Variants in NTM observed in about 807,000 individuals in gnomAD.
NTM encodes neurotrimin.
In NTM, 13 loss-of-function variants were observed where a neutral mutation model predicts 42.1. The observed-to-expected ratio is 0.31, with a 90% confidence interval of 0.20 to 0.49. The LOEUF (loss-of-function observed/expected upper bound fraction) is 0.49. Among genes scored for constraint, NTM ranks in the 20% least tolerant of loss-of-function variants. NTM has a pLI of 0.99. For synonymous variants in NTM, 187 were observed against 179.2 expected (o/e 1.04, Z -0.35); for missense variants, 373 against 452.8 (o/e 0.82, Z 1.60).
intron 1 of NTM, among the ~76,000 whole-genome samples, chr11:131,627,223 A>AT (rs1222165982): frequency 1.8e-4 from 27 of 146,882 alleles, no homozygotes; most frequent in African/African-American, 5.1e-4. Flanking sequence ...GCTTTTATTT[A>AT]TTTATTTTTT....
At chr11:131,972,327 C>G (rs2063677819) in intron 2 of NTM, among the ~76,000 whole-genome samples, 1 of 151,910 alleles carries the variant, frequency 6.6e-6, no homozygotes, top group Non-Finnish European at 1.5e-5. Context: ...AGTGTCTGGC[C>G]AAACACATAC....
chr11:132,179,236 T>G (rs937714339), intron 3 of NTM, among the ~76,000 whole-genome samples: 4 of 152,124 alleles, frequency 2.6e-5, no homozygotes, highest in African/African-American at 9.7e-5. Flanking sequence ...CTCCTAGGAA[T>G]GAGTCTAGAT....
intron 1 of NTM, among the ~76,000 whole-genome samples, chr11:131,690,151 A>T (rs534829268): frequency 7.9e-5 from 12 of 152,320 alleles, no homozygotes; most frequent in African/African-American, 2.9e-4. Flanking sequence ...GCACACCAAG[A>T]TGGCAGAGAA....
At chr11:131,519,379 G>C (rs2049312374) in intron 1 of NTM, among the ~76,000 whole-genome samples, 1 of 151,458 alleles carries the variant, frequency 6.6e-6, no homozygotes, top group Admixed American at 6.6e-5. Context: ...GAACCTGCTT[G>C]TTAGGGAGCT....
At chr11:131,852,469 G>A (rs2045659594) in intron 1 of NTM, among the ~76,000 whole-genome samples, 1 of 151,924 alleles carries the variant, frequency 6.6e-6, no homozygotes, top group South Asian at 2.1e-4. Flanking sequence ...CTTTCTCTAG[G>A]TTTTAGAAGA....
intron 4 of NTM, among the ~76,000 whole-genome samples, chr11:132,244,673 C>T (rs1439537682): frequency 6.6e-6 from 1 of 152,216 alleles, no homozygotes; most frequent in African/African-American, 2.4e-5. Flanking sequence ...ATCAAAACCA[C>T]ACTAGCTTCT....
At chr11:132,016,115 C>T (rs78396020) in intron 2 of NTM, among the ~76,000 whole-genome samples, 3,250 of 150,720 alleles carry the variant, frequency 0.022, 45 homozygotes, top group South Asian at 0.056. Context: ...TTTTTTTTCA[C>T]GCAAGGGTGT....
chr11:131,578,522 G>A (rs142326675), intron 1 of NTM, among the ~76,000 whole-genome samples: 1 of 152,026 alleles, frequency 6.6e-6, no homozygotes, highest in African/African-American at 2.4e-5. Context: ...CAGAGACAGG[G>A]GAGCTACATA....
chr11:131,789,540 A>G (rs868470704), intron 1 of NTM, among the ~76,000 whole-genome samples: 1 of 27,736 alleles, frequency 3.6e-5, no homozygotes, highest in Non-Finnish European at 6.2e-5. Context: ...GAAGAAGAAG[A>G]AGAAGAAAAG....
intron 1 of NTM, among the ~76,000 whole-genome samples, chr11:131,594,108 G>C (rs2059616584): frequency 6.6e-6 from 1 of 152,220 alleles, no homozygotes; most frequent in Non-Finnish European, 1.5e-5. Context: ...TCTAGACAAA[G>C]TTAGAAGTCA....
At chr11:131,423,043 A>G (rs1947700516) in intron 1 of NTM, among the ~76,000 whole-genome samples, 1 of 152,246 alleles carries the variant, frequency 6.6e-6, no homozygotes, top group African/African-American at 2.4e-5. Context: ...GTGTGGTGCC[A>G]GGACTATCAG....
At chr11:132,231,177 T>C (rs2087478929) in intron 4 of NTM, among the ~76,000 whole-genome samples, 1 of 152,222 alleles carries the variant, frequency 6.6e-6, no homozygotes, top group Non-Finnish European at 1.5e-5. Context: ...AAGTGCCGGA[T>C]GTGGCAAGCT....
At chr11:132,328,659 G>T (rs1285105951) in intron 7 of NTM, among the ~76,000 whole-genome samples, 2 of 152,048 alleles carry the variant, frequency 1.3e-5, no homozygotes, top group Admixed American at 1.3e-4. Flanking sequence ...CCCCAAAACT[G>T]CTTGTGGTTT....
In NTM at chr11:132,190,503, C is replaced by T. The variant is rs553527127; in HGVS notation, c.401-21519C>T. ...CTGTAATCCCAGCACTTTGGGAGGCCGAGGCAGGTGGATTGTGAGGTCAGG... is the reference window on the plus strand; with the variant it reads ...CTGTAATCCCAGCACTTTGGGAGGCTGAGGCAGGTGGATTGTGAGGTCAGG... On this transcript the variant is annotated intron_variant, in intron 3 of 8. Coordinates refer to ENST00000683400, the MANE Select transcript of NTM (RefSeq NM_001352005.2). Among the ~76,000 whole-genome samples, 34 of 151,948 alleles carry T rather than the reference C, an allele frequency of 2.2e-4. No individual in the cohort carries two copies. The Middle Eastern group carries it at 0.02, about 91-fold the overall frequency.
chr11:131,463,371 G>A (rs939850269), intron 1 of NTM, among the ~76,000 whole-genome samples: 1 of 152,204 alleles, frequency 6.6e-6, no homozygotes, highest in Non-Finnish European at 1.5e-5. Context: ...GTAGCACCCA[G>A]CTCTGCCCCC....
intron 2 of NTM, among the ~76,000 whole-genome samples, chr11:132,110,343 A>AT (rs1653907224): frequency 6.6e-6 from 1 of 152,252 alleles, no homozygotes; most frequent in South Asian, 2.1e-4. Flanking sequence ...CACTTAGGAA[A>AT]TAATATGGTC....
chr11:131,732,407 C>G (rs2079811376), intron 1 of NTM, among the ~76,000 whole-genome samples: 1 of 152,198 alleles, frequency 6.6e-6, no homozygotes, highest in Non-Finnish European at 1.5e-5. Context: ...GTGGGTCCTG[C>G]CTTCCACCCT....
Position 131,789,643 on chromosome 11 carries a change from AAG to A in NTM, c.83-121919_83-121918del, listed in dbSNP as rs1565553187. Among the ~76,000 whole-genome samples the A allele has an allele frequency of 2.7e-4, 33 of 124,510 alleles. 1 individual carries two copies. Among genetic ancestry groups the A allele is most frequent in the African/African-American group, 7.7e-4 (25 of 32,432 alleles). 81.7% of individuals were successfully genotyped at this position (124,510 alleles called of 152,430 possible). Reference sequence around the variant, plus strand: ...AGAAGAAGAAGAAGAAGAAAAGAAGAAGAAGAAGAAGAAGAAGAAGAAGAAAG... The same window carrying A: ...AGAAGAAGAAGAAGAAGAAAAGAAGAAAGAAGAAGAAGAAGAAGAAGAAAG... On this transcript the variant is annotated intron_variant, in intron 1 of 8. Coordinates refer to ENST00000683400, the MANE Select transcript of NTM (RefSeq NM_001352005.2).
At chr11:131,397,414 A>G (rs978230052) in intron 1 of NTM, among the ~76,000 whole-genome samples, 4 of 152,240 alleles carry the variant, frequency 2.6e-5, no homozygotes, top group Non-Finnish European at 5.9e-5. Flanking sequence ...TGAGGCTTTA[A>G]GAGGTAATGT....
Sources: allele counts gnomAD v4.1 joint callset (sites outside exome capture counted in the v4.1 genomes callset), GRCh38; gene constraint gnomAD v4.1.1; transcripts MANE v1.5; gene names NCBI Gene and HGNC (gene_info 2026-07-23, HGNC 2026-07-21).